ZMAT4: variants seen among roughly 807,000 people sequenced by gnomAD.
ZMAT4 encodes the protein zinc finger matrin-type protein 4.
Under a neutral mutation model 28.7 loss-of-function variants are expected in ZMAT4, and 17 were observed. The ratio of observed to expected loss-of-function variants is 0.59; its 90% CI spans 0.41 to 0.89. The LOEUF (loss-of-function observed/expected upper bound fraction) is 0.89. Ranked by LOEUF, ZMAT4 falls within the 40% of genes least tolerant of loss-of-function variation. ZMAT4 has a pLI of 0.00. For synonymous variants in ZMAT4, 117 were observed against 109.2 expected (o/e 1.07, Z -0.44); for missense variants, 240 against 283.8 (o/e 0.85, Z 1.11).
chr8:40,582,474 G>A (rs6474260), intron 5 of ZMAT4, among the ~76,000 whole-genome samples: 1 of 151,946 alleles, frequency 6.6e-6, no homozygotes, highest in African/African-American at 2.4e-5. Context: ...GGATGACAGA[G>A]TGAGGCCTTG....
At chr8:40,609,617 T>A (rs1484397016) in intron 5 of ZMAT4, among the ~76,000 whole-genome samples, 1 of 152,226 alleles carries the variant, frequency 6.6e-6, no homozygotes, top group Non-Finnish European at 1.5e-5. Flanking sequence ...CATTTGAACT[T>A]AGCCAAAGCC....
At chr8:40,701,367 A>C (rs1810136112) in intron 3 of ZMAT4, among the ~76,000 whole-genome samples, 1 of 152,164 alleles carries the variant, frequency 6.6e-6, no homozygotes, top group South Asian at 2.1e-4. Flanking sequence ...GGCCCTGAAA[A>C]GTTAGGCAGC....
chr8:40,758,225 T>A (rs1335032612), intron 3 of ZMAT4, among the ~76,000 whole-genome samples: 1 of 152,196 alleles, frequency 6.6e-6, no homozygotes, highest in Non-Finnish European at 1.5e-5. Context: ...TAGAGAACCC[T>A]AATACTCCTC....
At chr8:40,875,339 G>A (rs1392824776) in intron 1 of ZMAT4, among the ~76,000 whole-genome samples, 1 of 151,898 alleles carries the variant, frequency 6.6e-6, no homozygotes, top group East Asian at 1.9e-4. Flanking sequence ...CCCCAGGTGT[G>A]GTGACTGCAG....
intron 3 of ZMAT4, among the ~76,000 whole-genome samples, chr8:40,706,471 G>T (rs373982385): frequency 1.1e-3 from 164 of 152,228 alleles, no homozygotes; most frequent in African/African-American, 3.7e-3. Flanking sequence ...AGCTCAGAGG[G>T]TTTAAATAAA....
intron 2 of ZMAT4, among the ~76,000 whole-genome samples, chr8:40,775,901 T>C (rs538290909): frequency 6.6e-6 from 1 of 152,228 alleles, no homozygotes; most frequent in Non-Finnish European, 1.5e-5. Flanking sequence ...GGAAGAGACA[T>C]CAGAGATTGT....
At chr8:40,742,570 A>G (rs969849467) in intron 3 of ZMAT4, among the ~76,000 whole-genome samples, 1 of 152,160 alleles carries the variant, frequency 6.6e-6, no homozygotes, top group African/African-American at 2.4e-5. Context: ...GAGATGCTGC[A>G]GCAGAAATGT....
chr8:40,859,294 G>A (rs1222615581), intron 1 of ZMAT4, among the ~76,000 whole-genome samples: 10 of 152,172 alleles, frequency 6.6e-5, no homozygotes, highest in African/African-American at 1.9e-4. Flanking sequence ...AGCTGGTGAC[G>A]AGGCTGCTCA....
At chr8:40,876,432 C>T (rs1187399257) in intron 1 of ZMAT4, among the ~76,000 whole-genome samples, 2 of 152,172 alleles carry the variant, frequency 1.3e-5, no homozygotes, top group African/African-American at 4.8e-5. Flanking sequence ...CCTACCTCAG[C>T]TTCCCCAGTA....
intron 2 of ZMAT4, among the ~76,000 whole-genome samples, chr8:40,780,540 C>G (rs1316365265): frequency 2.0e-5 from 3 of 151,934 alleles, no homozygotes; most frequent in Non-Finnish European, 4.4e-5. Context: ...TTGTAGGCAA[C>G]GGGCACAAAA....
At chr8:40,803,387 T>C (rs1004435985) in intron 2 of ZMAT4, among the ~76,000 whole-genome samples, 1 of 152,108 alleles carries the variant, frequency 6.6e-6, no homozygotes, top group Admixed American at 6.6e-5. Context: ...CAAAGAACTC[T>C]TAAAACTCAA....
chr8:40,612,219 A>AC (rs1343159518), intron 5 of ZMAT4, among the ~76,000 whole-genome samples: 1 of 141,166 alleles, frequency 7.1e-6, no homozygotes. Context: ...ATGCTCATTC[A>AC]TATCCTCTGT....
At chr8:40,789,866 G>A (rs1021727457) in intron 2 of ZMAT4, among the ~76,000 whole-genome samples, 1 of 152,178 alleles carries the variant, frequency 6.6e-6, no homozygotes, top group African/African-American at 2.4e-5. Context: ...AATCAGCACA[G>A]AACAGCCAGA....
chr8:40,706,542 T>C (rs1585911452), intron 3 of ZMAT4, among the ~76,000 whole-genome samples: 1 of 152,286 alleles, frequency 6.6e-6, no homozygotes, highest in East Asian at 1.9e-4. Flanking sequence ...TTTGGCCGAA[T>C]TCATGGACAC....
chr8:40,586,950 G>A (rs1487037490), intron 5 of ZMAT4, among the ~76,000 whole-genome samples: 2 of 151,966 alleles, frequency 1.3e-5, no homozygotes, highest in Admixed American at 6.6e-5. Flanking sequence ...GGGATAGTAT[G>A]GTCAACAGAG....
chr8:40,889,800 T>A (rs1419871745), intron 1 of ZMAT4, among the ~76,000 whole-genome samples: 1 of 152,262 alleles, frequency 6.6e-6, no homozygotes, highest in Non-Finnish European at 1.5e-5. Context: ...TGAATAATGC[T>A]GAAAGGAATA....
chr8:40,857,618 T>C (rs1817345658), intron 1 of ZMAT4, among the ~76,000 whole-genome samples: 1 of 152,192 alleles, frequency 6.6e-6, no homozygotes, highest in African/African-American at 2.4e-5. Context: ...GTTTAGAAAC[T>C]TTTTGCTAAT....
At chr8:40,699,937 C>T (rs1451392045) in intron 3 of ZMAT4, among the ~76,000 whole-genome samples, 1 of 152,308 alleles carries the variant, frequency 6.6e-6, no homozygotes, top group South Asian at 2.1e-4. Flanking sequence ...GGTAGAAATG[C>T]CTAAAGAAAG....
chr8:40,812,483 C>A (rs147756553), intron 2 of ZMAT4, among the ~76,000 whole-genome samples: 3 of 152,128 alleles, frequency 2.0e-5, no homozygotes, highest in Admixed American at 6.5e-5. Context: ...TCATCCAAAA[C>A]GAGGAAAACC....
Sources: allele counts gnomAD v4.1 joint callset (sites outside exome capture counted in the v4.1 genomes callset), GRCh38; gene constraint gnomAD v4.1.1; transcripts MANE v1.5; gene names NCBI Gene and HGNC (gene_info 2026-07-23, HGNC 2026-07-21).